The following RIOX2 variants were observed in gnomAD, a reference collection of about 807,000 sequenced individuals.
The protein encoded by RIOX2 is 60S ribosomal protein L27a histidine hydroxylase.
RIOX2 carries 43 observed loss-of-function variants against 51.2 expected under a neutral mutation model. The ratio of observed to expected loss-of-function variants is 0.84; its 90% CI spans 0.66 to 1.08. The LOEUF is 1.08. RIOX2 is among the 50% of genes least tolerant of loss of function. The pLI is 0.00. For synonymous variants in RIOX2, 226 were observed against 218.5 expected, an observed-to-expected ratio of 1.03 and a Z score of -0.30; for missense variants, 566 against 561.7, an observed-to-expected ratio of 1.01 and a Z score of -0.08.
intron 2 of RIOX2, among the ~76,000 whole-genome samples, chr3:97,963,803 CT>C (rs1406948589): frequency 6.6e-6 from 1 of 152,104 alleles, no homozygotes; most frequent in African/African-American, 2.4e-5. Flanking sequence ...TCATCTGGAC[CT>C]TTAGCCTCTG....
intron 2 of RIOX2, among the ~76,000 whole-genome samples, chr3:97,963,072 T>C (rs1705746203): frequency 6.6e-6 from 1 of 152,214 alleles, no homozygotes; most frequent in Non-Finnish European, 1.5e-5. Flanking sequence ...GAATCCACTG[T>C]ATTAAAAATA....
At chr3:97,962,361 C>A (rs891094600) in intron 2 of RIOX2, among the ~76,000 whole-genome samples, 2,680 of 106,804 alleles carry the variant, frequency 0.025, 166 homozygotes, top group African/African-American at 0.088. Flanking sequence ...CTAAGACCCC[C>A]CCCCCCCCCC....
chr3:97,953,569 G>C (rs1048363290), intron 5 of RIOX2, among the ~76,000 whole-genome samples: 1 of 152,054 alleles, frequency 6.6e-6, no homozygotes, highest in Non-Finnish European at 1.5e-5. Context: ...TTTTAGTAGA[G>C]ATGGGGTTTC....
At chr3:97,952,193 G>A in intron 5 of RIOX2, 15 of 1,289,740 alleles carry the variant, frequency 1.2e-5, no homozygotes, top group Non-Finnish European at 1.5e-5. Context: ...CAAAACACAG[G>A]ATCATTTCTG....
In RIOX2 at chr3:97,943,531, T is replaced by C. The variant is rs2040280419; in HGVS notation, c.*1653A>G. 2.0e-6 allele frequency: 1 copy of C among 499,516 alleles called. No homozygotes were observed. Among genetic ancestry groups the C allele is most frequent in the South Asian group, 2.7e-5 (1 of 37,156 alleles). The allele number at this position is 499,516 out of a possible 1,614,324, so 30.9% of individuals were successfully genotyped here. A position where few individuals can be genotyped will look rare whatever the true frequency, so the allele number is the denominator to read the frequency against. On this transcript the variant is annotated 3_prime_UTR_variant, in exon 10 of 10. Transcript: ENST00000394198. Reference sequence around the variant, plus strand: ...CAGTGTTCCTATAAAGAAAATATTATGATATCTTGGAAAGGTTCTATTCCT... The same window carrying C: ...CAGTGTTCCTATAAAGAAAATATTACGATATCTTGGAAAGGTTCTATTCCT...
At chr3:97,970,553 T>C (rs1559767393) in intron 1 of RIOX2, among the ~76,000 whole-genome samples, 1 of 152,170 alleles carries the variant, frequency 6.6e-6, no homozygotes, top group Non-Finnish European at 1.5e-5. Context: ...AAAACACATA[T>C]CTTAGAATCC....
At chr3:97,947,869 T>C (rs1037144799) in intron 7 of RIOX2, among the ~76,000 whole-genome samples, 1 of 152,174 alleles carries the variant, frequency 6.6e-6, no homozygotes, top group African/African-American at 2.4e-5. Flanking sequence ...CTCCACCAAT[T>C]ATTAGGTGTG....
intron 2 of RIOX2, 27 bp downstream of exon 2, chr3:97,967,135 G>A: frequency 6.3e-7 from 1 of 1,597,402 alleles, no homozygotes; most frequent in Non-Finnish European, 8.5e-7. Context: ...AAATGTATGA[G>A]GATTCTGCAA....
rs1210874795 is a variant in RIOX2 at position 97,961,673 on chromosome 3, A to G, written c.468T>C (p.Cys156=). 7 of 1,612,200 alleles carry G rather than the reference A, an allele frequency of 4.3e-6. No homozygotes were observed. Among genetic ancestry groups the G allele is most frequent in the Non-Finnish European group, 5.9e-6 (7 of 1,179,530 alleles). ...TCGAGCCAACCAAGGAGCCAAAGTA[A>G]CATTCCAGCTTCTCCTGGATCCTCC... The part of the protein sequence containing the change: ...ELWRIQEKLE[C]YFGSLVGSNV... The change falls in exon 3 of 10, where the codon TGT becomes TGC. Residue 156 remains cysteine, a synonymous_variant. Coordinates refer to ENST00000394198, the MANE Select transcript of RIOX2 (RefSeq NM_153182.4).
At position 97,947,396 on chromosome 3, in the gene RIOX2, T is replaced by C. The variant is rs760729668; in HGVS notation, c.1114A>G (p.Ile372Val). Residue 372 changes from isoleucine to valine, a missense_variant, in exon 8 of 10, where the codon ATT becomes GTT. By Grantham distance (29) the Ile-to-Val change is conservative. Coordinates refer to ENST00000394198, the MANE Select transcript of RIOX2 (RefSeq NM_153182.4). Reference sequence around the variant, plus strand: ...TGATCCGGCAGTACTGTGAGGACAATGTGGTCTTTAAACTGCAGTCTCACT... The same window carrying C: ...TGATCCGGCAGTACTGTGAGGACAACGTGGTCTTTAAACTGCAGTCTCACT... ...SVVRLQFKDH[I>V]VLTVLPDQDQ... The C allele has an allele frequency of 1.6e-5, 26 of 1,613,510 alleles. No homozygotes were observed. The highest frequency in any genetic ancestry group is 2.2e-5 in the Non-Finnish European group (26 of 1,179,560).
intron 2 of RIOX2, among the ~76,000 whole-genome samples, chr3:97,962,843 T>C (rs1442020688): frequency 7.2e-5 from 11 of 152,214 alleles, no homozygotes; most frequent in Admixed American, 3.9e-4. Flanking sequence ...TAGTAAATGA[T>C]GGAGCCAGGA....
At chr3:97,955,238 A>G (rs1705406831) in intron 4 of RIOX2, among the ~76,000 whole-genome samples, 1 of 152,208 alleles carries the variant, frequency 6.6e-6, no homozygotes, top group Non-Finnish European at 1.5e-5. Context: ...TTCAACTGAA[A>G]AATAAGATGT....
intron 3 of RIOX2, among the ~76,000 whole-genome samples, chr3:97,960,190 CAG>C (rs1486764597): frequency 1.3e-5 from 2 of 152,048 alleles, no homozygotes; most frequent in Non-Finnish European, 2.9e-5. Flanking sequence ...TCCCGAGAAA[CAG>C]AAAAAAGTCG....
chr3:97,943,164 T>C lies in RIOX2; in HGVS notation c.*2020A>G, dbSNP rs530557556. On this transcript the variant is annotated 3_prime_UTR_variant, in exon 10 of 10. Transcript: ENST00000394198. ...TGAGCTGAACAGAAGCTTGTGAAAA[T>C]TGTGAAATTGCTAAGCACCTGCCTG... 6 of 900,012 alleles carry C rather than the reference T, an allele frequency of 6.7e-6. No homozygotes were observed. Among genetic ancestry groups the C allele is most frequent in the Middle Eastern group, 2.4e-4 (1 of 4,082 alleles). The allele number at this position is 900,012 out of a possible 1,614,324, so 55.8% of individuals were successfully genotyped here. A position where few individuals can be genotyped will look rare whatever the true frequency, so the allele number is the denominator to read the frequency against.
intron 4 of RIOX2, 36 bp from the exon 5 acceptor site, chr3:97,954,531 T>C (rs763195073): frequency 6.6e-6 from 10 of 1,523,196 alleles, no homozygotes; most frequent in Non-Finnish European, 9.1e-6. Flanking sequence ...GAGAAGTTAA[T>C]AAGTATTCCT....
intron 4 of RIOX2, among the ~76,000 whole-genome samples, chr3:97,956,966 G>C (rs775491834): frequency 1.3e-5 from 2 of 152,172 alleles, no homozygotes; most frequent in Non-Finnish European, 2.9e-5. Flanking sequence ...ACTCAGATCT[G>C]TCAGATCCCT....
intron 1 of RIOX2, among the ~76,000 whole-genome samples, chr3:97,969,405 A>G (rs996943371): frequency 4.6e-5 from 7 of 152,204 alleles, no homozygotes; most frequent in African/African-American, 1.7e-4. Context: ...AGAGATAGAA[A>G]AATGGATTCG....
intron 3 of RIOX2, among the ~76,000 whole-genome samples, chr3:97,960,184 G>A (rs984054034): frequency 3.3e-5 from 5 of 152,048 alleles, no homozygotes; most frequent in African/African-American, 7.2e-5. Context: ...AAGTACTCCC[G>A]AGAAACAGAA....
rs148146113 is a variant in RIOX2 at position 97,950,824 on chromosome 3, C to T, written c.850G>A (p.Val284Met). 7.8e-5 allele frequency: 126 copies of T among 1,613,774 alleles called. No individual in the cohort carries two copies. Among genetic ancestry groups the T allele is most frequent in the Non-Finnish European group, 9.7e-5 (114 of 1,179,802 alleles). ...GLVFDTAKED[V>M]ELRTGIPRQL... ...CGGGGTATGCCGGTCCGTAACTCCA[C>T]GTCTTCCTTTGCAGTATCAAATACA... Residue 284 changes from valine to methionine, a missense_variant, in exon 6 of 10, where the codon GTG (valine) becomes ATG (methionine). Physicochemically the swap from Val to Met is conservative, Grantham distance 21. Transcript: ENST00000394198.
Sources: gnomAD v4.1 joint callset for allele counts (sites outside exome capture counted in the v4.1 genomes callset) on GRCh38, gnomAD v4.1.1 for gene constraint, MANE v1.5 for transcripts, NCBI Gene and HGNC (gene_info 2026-07-23, HGNC 2026-07-21) for gene names.